The following SEPTIN14 variants were observed in gnomAD, a reference collection of about 807,000 sequenced individuals.
SEPTIN14 encodes the protein septin-14.
In SEPTIN14, 40 loss-of-function variants were observed where a neutral mutation model predicts 53.6. The observed-to-expected ratio is 0.75, with a 90% CI of 0.58 to 0.97. SEPTIN14 has a LOEUF of 0.97. Among genes scored for constraint, SEPTIN14 ranks in the 50% least tolerant of loss-of-function variants. The pLI, the probability that SEPTIN14 is intolerant of heterozygous loss-of-function variation, is 0.00. For synonymous variants in SEPTIN14, 138 were observed against 166.8 expected (o/e 0.83, Z 1.33); for missense variants, 471 against 508.2 (o/e 0.93, Z 0.70).
intron 6 of SEPTIN14, among the ~76,000 whole-genome samples, chr7:55,830,294 T>G (rs1356700250): frequency 1.4e-5 from 2 of 146,450 alleles, no homozygotes; most frequent in African/African-American, 5.0e-5. Flanking sequence ...AAATACAACT[T>G]TGTGGTAATC....
chr7:55,803,891 G>A (rs1200084290), intron 9 of SEPTIN14, among the ~76,000 whole-genome samples: 13 of 151,246 alleles, frequency 8.6e-5, no homozygotes, highest in Admixed American at 6.6e-4. Context: ...TTGGGAGGCC[G>A]AGGCAGGCGG....
chr7:55,860,106 G>C (rs1308708560), intron 2 of SEPTIN14, among the ~76,000 whole-genome samples: 1 of 142,788 alleles, frequency 7.0e-6, no homozygotes, highest in Non-Finnish European at 1.6e-5. Flanking sequence ...TTGAACCTGG[G>C]AGGCAGAGGT....
intron 6 of SEPTIN14, among the ~76,000 whole-genome samples, chr7:55,820,348 T>G (rs759989924): frequency 9.9e-5 from 15 of 152,150 alleles, no homozygotes; most frequent in Non-Finnish European, 1.6e-4. Context: ...AATTCAGAAA[T>G]CTATTAGTGT....
At chr7:55,822,847 AG>A (rs751636555) in intron 6 of SEPTIN14, among the ~76,000 whole-genome samples, 1 of 136,500 alleles carries the variant, frequency 7.3e-6, no homozygotes, top group Non-Finnish European at 1.6e-5. Context: ...TGGTGGGAGC[AG>A]GGGAAAGCAA....
At chr7:55,801,720 G>A (rs1250104559) in intron 9 of SEPTIN14, among the ~76,000 whole-genome samples, 2 of 151,938 alleles carry the variant, frequency 1.3e-5, no homozygotes, top group African/African-American at 4.8e-5. Flanking sequence ...AGGAGTTCGA[G>A]ACCAGCCTGG....
In SEPTIN14 at chr7:55,842,854, G is replaced by A. The variant is rs144177481; in HGVS notation, c.558+88C>T. 817 of 737,138 alleles carry A rather than the reference G, an allele frequency of 1.1e-3. 5 individuals are homozygous for A. The East Asian group carries it at 0.014, about 12-fold the overall frequency. 45.7% of individuals were successfully genotyped at this position (737,138 alleles called of 1,614,324 possible). A position where few individuals can be genotyped will look rare whatever the true frequency, so the allele number is the denominator to read the frequency against. ...CGTGAACCTGGGAGGCGGAGCTTGC[G>A]GTGAGATCGCACCACTGCACTCCAG... On this transcript the variant is annotated intron_variant, in intron 5 of 9. Coordinates refer to ENST00000388975, the MANE Select transcript of SEPTIN14 (RefSeq NM_207366.3).
chr7:55,834,617 T>C, intron 5 of SEPTIN14, 31 bp from the exon 6 acceptor site: 1 of 1,529,094 alleles, frequency 6.5e-7, no homozygotes, highest in Non-Finnish European at 8.9e-7. Flanking sequence ...CAAAATCTCA[T>C]CATTGTTCAT....
At chr7:55,829,261 C>G (rs10274507) in intron 6 of SEPTIN14, among the ~76,000 whole-genome samples, 1 of 151,674 alleles carries the variant, frequency 6.6e-6, no homozygotes, top group African/African-American at 2.4e-5. Context: ...TGCTTGTAAT[C>G]TCAGCTACTC....
chr7:55,840,546 G>C (rs1370348221), intron 5 of SEPTIN14, among the ~76,000 whole-genome samples: 1 of 152,014 alleles, frequency 6.6e-6, no homozygotes, highest in Non-Finnish European at 1.5e-5. Context: ...CACCATGTGA[G>C]AACACAGAGA....
intron 9 of SEPTIN14, among the ~76,000 whole-genome samples, chr7:55,802,055 A>G (rs1163131154): frequency 6.8e-6 from 1 of 147,482 alleles, no homozygotes; most frequent in African/African-American, 2.5e-5. Flanking sequence ...GCTGGAGTGC[A>G]GTGCAGTGGT....
At chr7:55,838,690 G>T (rs1789252340) in intron 5 of SEPTIN14, among the ~76,000 whole-genome samples, 1 of 151,868 alleles carries the variant, frequency 6.6e-6, no homozygotes, top group Non-Finnish European at 1.5e-5. Flanking sequence ...CAATCCCACA[G>T]GTGCACACCA....
chr7:55,838,332 G>A (rs1440394415), intron 5 of SEPTIN14, among the ~76,000 whole-genome samples: 1 of 152,136 alleles, frequency 6.6e-6, no homozygotes, highest in Non-Finnish European at 1.5e-5. Context: ...GATCACAAAA[G>A]CTTTCTGTTT....
rs1304274576 is a variant in SEPTIN14, at chr7:55,846,049, AG to A, written c.175+467del. 1.4e-3 allele frequency among the ~76,000 whole-genome samples: 141 copies of A among 103,508 alleles called. 9 individuals are homozygous for A. The highest frequency in any genetic ancestry group is 3.9e-3 in the African/African-American group (112 of 28,548). The allele number at this position is 103,508 out of a possible 152,430, so 67.9% of individuals were successfully genotyped here. A position where few individuals can be genotyped will look rare whatever the true frequency, so the allele number is the denominator to read the frequency against. ...GGGCAACAGAGCAAGACTCCGTCTC[AG>A]AAAAAAAAAAAAAAGTATATATATA... is the stretch of plus-strand genomic sequence containing the variant. On this transcript the variant is annotated intron_variant, in intron 3 of 9. Transcript: ENST00000388975.
At chr7:55,824,947 C>A (rs1025844953) in intron 6 of SEPTIN14, among the ~76,000 whole-genome samples, 5 of 151,954 alleles carry the variant, frequency 3.3e-5, no homozygotes, top group Non-Finnish European at 7.4e-5. Context: ...TAGTTTCTTT[C>A]GAAACTAAAC....
intron 6 of SEPTIN14, among the ~76,000 whole-genome samples, chr7:55,831,966 C>T (rs1408213393): frequency 2.0e-5 from 3 of 152,078 alleles, no homozygotes; most frequent in African/African-American, 7.2e-5. Context: ...CTTTGGGAGG[C>T]CAAGGCGGGT....
chr7:55,834,436 A>G lies in SEPTIN14; in HGVS notation c.709T>C (p.Ser237Pro). 6.2e-7 allele frequency: 1 copy of G among 1,609,382 alleles called. No homozygotes were observed. The highest frequency in any genetic ancestry group is 8.5e-7 in the Non-Finnish European group (1 of 1,178,418). The change falls in exon 6 of 10, where the codon TCC becomes CCC. Residue 237 changes from serine (S) to proline (P), a missense_variant. Coordinates refer to ENST00000388975, the MANE Select transcript of SEPTIN14 (RefSeq NM_207366.3). ...TDEETAAQAN[S>P]SVSGLLPFAV... is the part of the protein sequence containing the mutation. ...TTACTGAAACTTACACTAACTGAGG[A>G]GTTCGCTTGAGCAGCAGTTTCTTCA...
In SEPTIN14 at chr7:55,816,012, CA is replaced by C. The variant is rs1263951232; in HGVS notation, c.817+3114del. Among the ~76,000 whole-genome samples the C allele has an allele frequency of 4.6e-5, 7 of 152,230 alleles. No individual in the cohort carries two copies. The South Asian group carries it at 8.3e-4, about 18-fold the overall frequency. ...TACATATACATGATGGAGTACTATT[CA>C]GCCATAAAAAATAATGAGATCCTGT... On this transcript the variant is annotated intron_variant, in intron 7 of 9. Coordinates refer to ENST00000388975, the MANE Select transcript of SEPTIN14 (RefSeq NM_207366.3).
At chr7:55,837,586 T>G (rs1207104594) in intron 5 of SEPTIN14, among the ~76,000 whole-genome samples, 1 of 151,976 alleles carries the variant, frequency 6.6e-6, no homozygotes, top group African/African-American at 2.4e-5. Flanking sequence ...GCTTTTTTAT[T>G]TATTTTTTTT....
At chr7:55,797,760 G>A (rs1310777345) in intron 9 of SEPTIN14, among the ~76,000 whole-genome samples, 2 of 152,212 alleles carry the variant, frequency 1.3e-5, no homozygotes. Flanking sequence ...CCTGAGGTCA[G>A]GAGGTCAAGA....
Sources: gnomAD v4.1 joint callset for allele counts (sites outside exome capture counted in the v4.1 genomes callset) on GRCh38, gnomAD v4.1.1 for gene constraint, MANE v1.5 for transcripts, NCBI Gene and HGNC (gene_info 2026-07-23, HGNC 2026-07-21) for gene names.